Variants in GPR4 observed in about 807,000 individuals in gnomAD.
The protein encoded by GPR4 is G-prodeshotein coupled receptor 4.
In GPR4, 11 loss-of-function variants were observed where a neutral mutation model predicts 17.8. The ratio of observed to expected loss-of-function variants is 0.62; its 90% CI spans 0.39 to 1.02. GPR4 has a LOEUF of 1.02. Ranked by LOEUF, GPR4 falls within the 50% of genes least tolerant of loss-of-function variation. GPR4 has a pLI of 0.00. For missense variants in GPR4, 364 were observed against 495.4 expected (o/e 0.73, Z 2.52); for synonymous variants, 219 against 222.8 (o/e 0.98, Z 0.15).
Position 45,591,388 on chromosome 19 carries a change from C to T in GPR4, c.479G>A (p.Arg160Gln). ...GCAGAAGGTGTGGTTGTAGCGGTCT[C>T]GGAAGAGCTCGTCATGGAACAGGGG... is the stretch of plus-strand genomic sequence containing the variant. ...SAPLFHDELF[R>Q]DRYNHTFCFE... Residue 160 changes from arginine (R) to glutamine (Q), a missense_variant, in exon 2 of 2, where the codon CGA (arginine) becomes CAA (glutamine). Coordinates refer to ENST00000323040, the MANE Select transcript of GPR4 (RefSeq NM_005282.3). The surrounding 1 kb of genome is among the most constrained non-coding windows in gnomAD (Gnocchi z 7.6). The T allele has an allele frequency of 6.2e-7, 1 of 1,613,438 alleles. No homozygotes were observed. Among genetic ancestry groups the T allele is most frequent in the Non-Finnish European group, 8.5e-7 (1 of 1,179,882 alleles).
intron 1 of GPR4, among the ~76,000 whole-genome samples, chr19:45,594,685 C>T (rs1170333019): frequency 6.6e-6 from 1 of 152,146 alleles, no homozygotes; most frequent in African/African-American, 2.4e-5. Context: ...AGTTTCCACC[C>T]CAGAATAACT....
chr19:45,595,469 G>A (rs1354982739), intron 1 of GPR4, among the ~76,000 whole-genome samples: 1 of 152,024 alleles, frequency 6.6e-6, no homozygotes, highest in Non-Finnish European at 1.5e-5. Context: ...CCTGGGGTTA[G>A]CGCCAGCAGT....
intron 1 of GPR4, among the ~76,000 whole-genome samples, chr19:45,593,168 A>C (rs796732421): frequency 1.4e-5 from 2 of 144,482 alleles, no homozygotes; most frequent in African/African-American, 5.2e-5. Flanking sequence ...ACGGCACTCC[A>C]GCTTGGGCAA....
At position 45,591,978 on chromosome 19, in the gene GPR4, A is replaced by G. The variant is rs1030070644; in HGVS notation, c.-112T>C. 4.9e-5 allele frequency: 57 copies of G among 1,174,070 alleles called. No individual in the cohort carries two copies. Among genetic ancestry groups the G allele is most frequent in the Admixed American group, 8.5e-5 (3 of 35,172 alleles). The allele number at this position is 1,174,070 out of a possible 1,614,324, so 72.7% of individuals were successfully genotyped here. ...GCCCCTTCCTTGGAGGCTCAGGGGA[A>G]CATGGTGGGATGTGGTCTACAGGGA... is the stretch of plus-strand genomic sequence containing the variant. On this transcript the variant is annotated 5_prime_UTR_variant, in exon 2 of 2. Coordinates refer to ENST00000323040, the MANE Select transcript of GPR4 (RefSeq NM_005282.3). The surrounding 1 kb of genome is among the most constrained non-coding windows in gnomAD (Gnocchi z 7.6).
rs1349974846 is a variant in GPR4 at position 45,590,749 on chromosome 19, A to G, written c.*29T>C. 3 of 1,535,192 alleles carry G rather than the reference A, an allele frequency of 2.0e-6. No homozygotes were observed. Among genetic ancestry groups the G allele is most frequent in the Non-Finnish European group, 2.6e-6 (3 of 1,141,046 alleles). The stretch of plus-strand genomic sequence containing the variant: ...AGAAGGGACTGTGGGATGAGAGGGG[A>G]AAACTGGGGATTCTGTGCCACTCGG... On this transcript the variant is annotated 3_prime_UTR_variant, in exon 2 of 2. Transcript: ENST00000323040.
intron 1 of GPR4, among the ~76,000 whole-genome samples, chr19:45,597,991 G>C (rs1970075357): frequency 6.6e-6 from 1 of 152,040 alleles, no homozygotes; most frequent in Admixed American, 6.5e-5. Flanking sequence ...CTCCAGGCTG[G>C]AACAGTGTGA....
At chr19:45,601,422 C>A (rs1970110751) in intron 1 of GPR4, among the ~76,000 whole-genome samples, 2 of 152,058 alleles carry the variant, frequency 1.3e-5, no homozygotes, top group East Asian at 1.9e-4. Context: ...GGGCTGGGTG[C>A]GACCTGAGGG....
chr19:45,598,474 A>C (rs957386650), intron 1 of GPR4, among the ~76,000 whole-genome samples: 1 of 151,988 alleles, frequency 6.6e-6, no homozygotes, highest in Non-Finnish European at 1.5e-5. Flanking sequence ...TAATTTCCTC[A>C]AGGGGGAACC....
At position 45,590,791 on chromosome 19, in the gene GPR4, G is replaced by T. The variant is rs145450390; in HGVS notation, c.1076C>A (p.Pro359Gln). 6.4e-7 allele frequency: 1 copy of T among 1,571,310 alleles called. No homozygotes were observed. Among genetic ancestry groups the T allele is most frequent in the Non-Finnish European group, 8.6e-7 (1 of 1,157,572 alleles). The stretch of plus-strand genomic sequence containing the variant: ...GCCACTCGGGGTTCATTGTGCTGGC[G>T]GCAGCATCTTCAGCTGCACCTGGTC... The part of the protein sequence containing the change: ...QGDQVQLKML[P>Q]PAQ The change falls in exon 2 of 2, where the codon CCG (proline) becomes CAG (glutamine). Residue 359 changes from proline (P) to glutamine (Q), a missense_variant. Transcript: ENST00000323040.
At chr19:45,601,462 T>A (rs1640855576) in intron 1 of GPR4, among the ~76,000 whole-genome samples, 1 of 151,912 alleles carries the variant, frequency 6.6e-6, no homozygotes, top group South Asian at 2.1e-4. Flanking sequence ...AAGGGGGCGC[T>A]GGGATCATGG....
In GPR4 at chr19:45,591,143, C is replaced by G. The variant is rs377525265; in HGVS notation, c.724G>C (p.Val242Leu). Residue 242 changes from valine to leucine, a missense_variant, in exon 2 of 2, where the codon GTG (valine) becomes CTG (leucine). Coordinates refer to ENST00000323040, the MANE Select transcript of GPR4 (RefSeq NM_005282.3). This position sits in a 1 kb window ranked among gnomAD's most constrained non-coding sequence, Gnocchi z 7.6. Reference protein sequence around the residue: ...IVLVCFAPYHVLLLSRSAIYL... With the variant: ...IVLVCFAPYHLLLLSRSAIYL... The stretch of plus-strand genomic sequence containing the variant: ...ATGGCGCTGCGGGACAGCAAGAGCA[C>G]GTGATAGGGCGCAAAGCAGACCAGC... 28 of 1,613,630 alleles carry G rather than the reference C, an allele frequency of 1.7e-5. No homozygotes were observed. The highest frequency in any genetic ancestry group is 2.3e-5 in the Non-Finnish European group (27 of 1,179,980).
In GPR4 at chr19:45,591,759, G is replaced by T; in HGVS notation, c.108C>A (p.Cys36Ter). 6.2e-7 allele frequency: 1 copy of T among 1,613,758 alleles called. No individual in the cohort carries two copies. Among genetic ancestry groups the T allele is most frequent in the Non-Finnish European group, 8.5e-7 (1 of 1,179,932 alleles). ...FVIGVGLPTN[C>*]LALWAAYRQV... ...GGCGGTAGGCCGCCCACAGAGCCAG[G>T]CAGTTGGTGGGCAGCCCCACGCCGA... Residue 36 changes from cysteine to a stop codon, truncating the protein, a stop_gained, in exon 2 of 2, where the codon TGC becomes TGA. Coordinates refer to ENST00000323040, the MANE Select transcript of GPR4 (RefSeq NM_005282.3). LOFTEE classifies it high-confidence loss of function. The surrounding 1 kb of genome is among the most constrained non-coding windows in gnomAD (Gnocchi z 7.6).
In GPR4 at chr19:45,591,069, A is replaced by T. The variant is rs1240658073; in HGVS notation, c.798T>A (p.Ser266=). The T allele has an allele frequency of 3.7e-6, 6 of 1,613,994 alleles. No homozygotes were observed. The highest frequency in any genetic ancestry group is 5.1e-6 in the Non-Finnish European group (6 of 1,180,026). Residue 266 remains serine (S), a synonymous_variant, in exon 2 of 2, where the codon TCT becomes TCA. Coordinates refer to ENST00000323040, the MANE Select transcript of GPR4 (RefSeq NM_005282.3). This position sits in a 1 kb window ranked among gnomAD's most constrained non-coding sequence, Gnocchi z 7.6. Reference sequence around the variant, plus strand: ...TGAAAGCCAGTGAGCTGTGGTATGCAGAAAAGACGCGCTCCTCGAAGCCGC... The same window carrying T: ...TGAAAGCCAGTGAGCTGTGGTATGCTGAAAAGACGCGCTCCTCGAAGCCGC... ...WDCGFEERVF[S]AYHSSLAFTS... is the part of the protein sequence containing the mutation.
rs1969986448 is a variant in GPR4, at chr19:45,591,021, G to A, written c.846C>T (p.Asp282=). Residue 282 remains aspartate (D), a synonymous_variant, in exon 2 of 2, where the codon GAC becomes GAT. Transcript: ENST00000323040. The surrounding 1 kb of genome is among the most constrained non-coding windows in gnomAD (Gnocchi z 7.6). ...LAFTSLNCVA[D]PILYCLVNEG... is the part of the protein sequence containing the mutation. ...CGTTGACCAGGCAGTAGAGGATGGG[G>A]TCCGCCACACAGTTGAGGCTGGTGA... The A allele has an allele frequency of 6.2e-7, 1 of 1,613,974 alleles. No individual in the cohort carries two copies. The highest frequency in any genetic ancestry group is 1.1e-5 in the South Asian group (1 of 91,092).
chr19:45,594,075 T>A (rs1243134432), intron 1 of GPR4, among the ~76,000 whole-genome samples: 6 of 74,734 alleles, frequency 8.0e-5, no homozygotes, highest in East Asian at 3.9e-4. Flanking sequence ...TATATATATA[T>A]ATATATATAT....
chr19:45,595,183 G>A (rs1189969849), intron 1 of GPR4, among the ~76,000 whole-genome samples: 1 of 150,082 alleles, frequency 6.7e-6, no homozygotes, highest in Admixed American at 6.6e-5. Context: ...GGCTGAGGTG[G>A]GAGAATTGCT....
At chr19:45,597,388 C>T (rs1349169802) in intron 1 of GPR4, among the ~76,000 whole-genome samples, 1 of 152,098 alleles carries the variant, frequency 6.6e-6, no homozygotes, top group Non-Finnish European at 1.5e-5. Context: ...TGAGTAGCTC[C>T]GTTCCCTCCT....
At position 45,592,000 on chromosome 19, in the gene GPR4, G is replaced by A. The variant is rs1479170452; in HGVS notation, c.-134C>T. ...GGAACATGGTGGGATGTGGTCTACA[G>A]GGAAGAGATGAGGTTGGGTAGGCTG... On this transcript the variant is annotated 5_prime_UTR_variant, in exon 2 of 2. Coordinates refer to ENST00000323040, the MANE Select transcript of GPR4 (RefSeq NM_005282.3). This position sits in a 1 kb window ranked among gnomAD's most constrained non-coding sequence, Gnocchi z 7.6. The A allele has an allele frequency of 3.1e-6, 3 of 955,242 alleles. No homozygotes were observed. The highest frequency in any genetic ancestry group is 3.0e-6 in the Non-Finnish European group (2 of 659,112). The allele number at this position is 955,242 out of a possible 1,614,324, so 59.2% of individuals were successfully genotyped here. A position where few individuals can be genotyped will look rare whatever the true frequency, so the allele number is the denominator to read the frequency against.
At chr19:45,600,528 C>G (rs1025763208) in intron 1 of GPR4, among the ~76,000 whole-genome samples, 5 of 152,280 alleles carry the variant, frequency 3.3e-5, no homozygotes, top group Admixed American at 6.5e-5. Flanking sequence ...TTCTACTCAC[C>G]CTGGCATCTC....
Sources: allele counts gnomAD v4.1 joint callset (sites outside exome capture counted in the v4.1 genomes callset), GRCh38; gene constraint gnomAD v4.1.1; non-coding constraint Gnocchi (gnomAD v3.1); transcripts MANE v1.5; gene names NCBI Gene and HGNC (gene_info 2026-07-23, HGNC 2026-07-21).